Variants in ANKHD1 observed in about 807,000 individuals in gnomAD.
ANKHD1 encodes the protein ankyrin repeat and KH domain-containing protein 1.
ANKHD1 carries 31 observed loss-of-function variants against 230.5 expected under a neutral mutation model. That is an observed-to-expected ratio of 0.13 (90% CI 0.10 to 0.18). ANKHD1 has a LOEUF of 0.18. Ranked by LOEUF, ANKHD1 falls within the 10% of genes least tolerant of loss-of-function variation. The pLI is 1.00. For synonymous variants in ANKHD1, 1,074 were observed against 1,117.6 expected (o/e 0.96, Z 0.78); for missense variants, 2,256 against 3,071.3 (o/e 0.73, Z 6.27).
Position 140,528,935 on chromosome 5 carries a change from G to A in ANKHD1, c.5989G>A (p.Gly1997Arg), listed in dbSNP as rs142034526. Residue 1997 changes from glycine (G) to arginine (R), a missense_variant, in exon 29 of 34, where the codon GGG (glycine) becomes AGG (arginine). By Grantham distance (125) the Gly-to-Arg change is moderately radical. This residue lies in a region of ANKHD1 where 778 missense variants were observed against 966.5 expected (regional missense o/e 0.80). Transcript: ENST00000360839. ...PSVSSAPITS[G>R]QAPTTFLPAS... ...TGTCTCCTCTGCACCTATCACTAGC[G>A]GGCAAGCTCCCACCACATTTCTACC... The A allele has an allele frequency of 5.0e-6, 8 of 1,614,132 alleles. No homozygotes were observed. Among genetic ancestry groups the A allele is most frequent in the Admixed American group, 1.7e-5 (1 of 60,014 alleles).
chr5:140,510,636 A>G (rs556645488), intron 22 of ANKHD1, among the ~76,000 whole-genome samples: 7 of 152,084 alleles, frequency 4.6e-5, no homozygotes, highest in East Asian at 1.9e-4. Flanking sequence ...TCTAAGATCT[A>G]TGTGGTAGTT....
rs78327830 is a variant in ANKHD1, at chr5:140,510,661, T to A, written c.4104+480T>A. ...ATGTGGTAGTTCACTATAAGCAACT[T>A]GGTTGTTAAATCACTTGGTGTCTTG... On this transcript the variant is annotated intron_variant, in intron 22 of 33. Coordinates refer to ENST00000360839, the MANE Select transcript of ANKHD1 (RefSeq NM_017747.3). 4.4e-3 allele frequency among the ~76,000 whole-genome samples: 664 copies of A among 152,234 alleles called. 4 individuals carry two copies. Among genetic ancestry groups the A allele is most frequent in the African/African-American group, 0.015 (625 of 41,530 alleles).
chr5:140,469,992 G>A (rs567786977), intron 10 of ANKHD1, among the ~76,000 whole-genome samples: 1 of 152,088 alleles, frequency 6.6e-6, no homozygotes, highest in South Asian at 2.1e-4. Flanking sequence ...GTTAATAGGT[G>A]CTTGCATATT....
At chr5:140,462,245 G>A (rs919420125) in intron 9 of ANKHD1, among the ~76,000 whole-genome samples, 2 of 151,812 alleles carry the variant, frequency 1.3e-5, no homozygotes, top group Admixed American at 6.6e-5. Flanking sequence ...TAAGTATATA[G>A]TTGTCTCTCT....
intron 4 of ANKHD1, 118 bp from the exon 5 acceptor site, chr5:140,440,877 A>G (rs1170813159): frequency 7.9e-6 from 10 of 1,273,724 alleles, no homozygotes; most frequent in Non-Finnish European, 9.0e-6. Context: ...AAAGGTCATT[A>G]TTGATTTTTT....
At chr5:140,447,728 TCCACAAGGTTACAATAAA>T (rs1774402862) in intron 6 of ANKHD1, among the ~76,000 whole-genome samples, 1 of 152,158 alleles carries the variant, frequency 6.6e-6, no homozygotes, top group Non-Finnish European at 1.5e-5. Flanking sequence ...GTGGTTTGTA[TCCACAAGGTTACAATAAA>T]CCTAAAACCA....
In ANKHD1 at chr5:140,535,371, C is replaced by T; in HGVS notation, c.6860C>T (p.Ser2287Phe). Reference sequence around the variant, plus strand: ...ACCTGTTTTATTTCAGGGTTACCATCCATTGACCCATCAGGCAGCTCCCCA... The same window carrying T: ...ACCTGTTTTATTTCAGGGTTACCATTCATTGACCCATCAGGCAGCTCCCCA... ...RVSTSPVGLP[S>F]IDPSGSSPSS... is the part of the protein sequence containing the mutation. Residue 2287 changes from serine to phenylalanine, a missense_variant, in exon 30 of 34, where the codon TCC (serine) becomes TTC (phenylalanine). By Grantham distance (155) the Ser-to-Phe change is radical. Transcript: ENST00000360839. The T allele has an allele frequency of 6.2e-7, 1 of 1,606,432 alleles. No homozygotes were observed. Among genetic ancestry groups the T allele is most frequent in the Non-Finnish European group, 8.5e-7 (1 of 1,177,274 alleles).
chr5:140,537,827 C>A (rs763450975), intron 31 of ANKHD1, among the ~76,000 whole-genome samples: 2 of 152,194 alleles, frequency 1.3e-5, no homozygotes, highest in African/African-American at 2.4e-5. Context: ...TGTGTCCTTT[C>A]TCTCTTAAAT....
At chr5:140,464,113 G>A (rs964165436) in intron 9 of ANKHD1, among the ~76,000 whole-genome samples, 20 of 151,794 alleles carry the variant, frequency 1.3e-4, no homozygotes, top group East Asian at 1.9e-4. Context: ...GCATGTGCCC[G>A]TGATACCACC....
intron 10 of ANKHD1, among the ~76,000 whole-genome samples, chr5:140,470,381 T>C (rs1287023500): frequency 1.3e-5 from 2 of 151,620 alleles, no homozygotes; most frequent in Non-Finnish European, 2.9e-5. Context: ...TGGGGTGATA[T>C]TTTCTTTTTT....
At chr5:140,434,047 T>G (rs1318188436) in intron 1 of ANKHD1, among the ~76,000 whole-genome samples, 1 of 152,192 alleles carries the variant, frequency 6.6e-6, no homozygotes, top group Non-Finnish European at 1.5e-5. Flanking sequence ...AGGTCTGAAG[T>G]TAAAGATTCA....
At chr5:140,502,505 T>G (rs573664317) in intron 15 of ANKHD1, among the ~76,000 whole-genome samples, 2 of 152,326 alleles carry the variant, frequency 1.3e-5, no homozygotes, top group African/African-American at 4.8e-5. Flanking sequence ...CAAAAAAATT[T>G]TTATATACCT....
chr5:140,455,053 A>G (rs1236444035), intron 7 of ANKHD1, among the ~76,000 whole-genome samples: 1 of 152,242 alleles, frequency 6.6e-6, no homozygotes, highest in Non-Finnish European at 1.5e-5. Flanking sequence ...TCCCACAGAA[A>G]TACAAACTAC....
At chr5:140,473,438 T>A (rs536070306) in intron 10 of ANKHD1, among the ~76,000 whole-genome samples, 1 of 152,052 alleles carries the variant, frequency 6.6e-6, no homozygotes, top group South Asian at 2.1e-4. Context: ...TTTTTAAAAA[T>A]TTTTTAAATT....
chr5:140,458,997 CAT>C (rs529452262), intron 8 of ANKHD1, 135 bp downstream of exon 8: 3,178 of 31,268 alleles, frequency 0.1, 111 homozygotes, highest in Non-Finnish European at 0.13. Context: ...TATATATATG[CAT>C]ATATATATAT....
intron 10 of ANKHD1, among the ~76,000 whole-genome samples, chr5:140,480,782 A>G (rs940877374): frequency 2.6e-5 from 4 of 152,118 alleles, no homozygotes; most frequent in African/African-American, 9.7e-5. Context: ...TGCATGATTA[A>G]ACAATATTTA....
chr5:140,508,127 G>A (rs2127055831), intron 20 of ANKHD1, 129 bp downstream of exon 20: 1 of 1,268,924 alleles, frequency 7.9e-7, no homozygotes, highest in Non-Finnish European at 1.1e-6. Context: ...AGAGTTGAGG[G>A]ATTATGCTGT....
At chr5:140,452,597 C>G (rs1277686131) in intron 7 of ANKHD1, among the ~76,000 whole-genome samples, 1 of 152,136 alleles carries the variant, frequency 6.6e-6, no homozygotes, top group East Asian at 1.9e-4. Flanking sequence ...GCTGCTGATA[C>G]CCAGGCAAAC....
chr5:140,484,046 T>C (rs1259338925), intron 11 of ANKHD1, among the ~76,000 whole-genome samples: 1 of 152,216 alleles, frequency 6.6e-6, no homozygotes, highest in Non-Finnish European at 1.5e-5. Context: ...CTATGTCAAA[T>C]AATCCTGTCA....
Sources: gnomAD v4.1 joint callset for allele counts (sites outside exome capture counted in the v4.1 genomes callset) on GRCh38, gnomAD v4.1.1 for gene constraint, gnomAD v4.1.1 regional missense constraint, MANE v1.5 for transcripts, NCBI Gene and HGNC (gene_info 2026-07-23, HGNC 2026-07-21) for gene names.